Variants in TRAPPC9 observed in about 807,000 individuals in gnomAD.
The protein encoded by TRAPPC9 is IKK2 binding protein.
Under a neutral mutation model 124.0 loss-of-function variants are expected in TRAPPC9, and 83 were observed. That is an observed-to-expected ratio of 0.67 (90% CI 0.56 to 0.80). The LOEUF (loss-of-function observed/expected upper bound fraction) is 0.80. Ranked by LOEUF, TRAPPC9 falls within the 30% of genes least tolerant of loss-of-function variation. TRAPPC9 has a pLI of 0.00. For missense variants in TRAPPC9, 1,302 were observed against 1,508.3 expected, an observed-to-expected ratio of 0.86 and a Z score of 2.27; for synonymous variants, 638 against 617.5, an observed-to-expected ratio of 1.03 and a Z score of -0.49.
At chr8:139,891,437 G>A (rs1478370361) in intron 20 of TRAPPC9, among the ~76,000 whole-genome samples, 1 of 152,236 alleles carries the variant, frequency 6.6e-6, no homozygotes, top group Admixed American at 6.5e-5. Flanking sequence ...TGCTGGGTGA[G>A]GGCTGGAGCT....
At chr8:139,947,907 T>TATATATATATATATACAGAGAGAGAGAG in intron 19 of TRAPPC9, among the ~76,000 whole-genome samples, 1 of 60,364 alleles carries the variant, frequency 1.7e-5, no homozygotes, top group East Asian at 4.4e-4. Context: ...TATATATATA[T>TATATATATATATATACAGAGAGAGAGAG]AGAGAGAGAG....
chr8:140,405,685 G>A lies in TRAPPC9; in HGVS notation c.900C>T (p.Thr300=). Residue 300 remains threonine, a synonymous_variant, in exon 6 of 23, where the codon ACC becomes ACT. Transcript: ENST00000438773. Reference sequence around the variant, plus strand: ...TACTGGTGTCAGGGTTGATGCCATTGGTGGTGAGGGCACCTGCAAACCAAG... The same window carrying A: ...TACTGGTGTCAGGGTTGATGCCATTAGTGGTGAGGGCACCTGCAAACCAAG... ...EVLIDPGALT[T]NGINPDTSTE... The A allele has an allele frequency of 2.5e-6, 4 of 1,614,132 alleles. No individual in the cohort carries two copies. Among genetic ancestry groups the A allele is most frequent in the Non-Finnish European group, 2.5e-6 (3 of 1,180,010 alleles).
At chr8:140,291,680 G>C (rs2065665944) in intron 11 of TRAPPC9, among the ~76,000 whole-genome samples, 1 of 152,252 alleles carries the variant, frequency 6.6e-6, no homozygotes, top group Non-Finnish European at 1.5e-5. Context: ...AGTTTTTGCA[G>C]ATGTGATTGA....
chr8:139,946,663 C>T (rs1281664054), intron 19 of TRAPPC9, among the ~76,000 whole-genome samples: 2 of 150,082 alleles, frequency 1.3e-5, no homozygotes, highest in Non-Finnish European at 3.0e-5. Flanking sequence ...TGAGAGTATC[C>T]GCAGAATTTT....
chr8:140,172,329 G>A (rs1179747882), intron 17 of TRAPPC9, among the ~76,000 whole-genome samples: 1 of 151,898 alleles, frequency 6.6e-6, no homozygotes, highest in Non-Finnish European at 1.5e-5. Flanking sequence ...ACTAGTTCTG[G>A]ACAACAGAGG....
chr8:140,278,157 G>A (rs13248267), intron 14 of TRAPPC9, among the ~76,000 whole-genome samples: 41,502 of 151,612 alleles, frequency 0.27, 6,775 homozygotes, highest in Non-Finnish European at 0.36. Context: ...AGGCTGGAGA[G>A]CAGTGGCACA....
At chr8:139,809,206 T>C (rs926125510) in intron 21 of TRAPPC9, among the ~76,000 whole-genome samples, 4 of 152,246 alleles carry the variant, frequency 2.6e-5, no homozygotes, top group Admixed American at 6.5e-5. Flanking sequence ...AAAAGTCACC[T>C]TGAATTGCAC....
At chr8:140,057,056 A>G (rs1381858262) in intron 17 of TRAPPC9, among the ~76,000 whole-genome samples, 1 of 152,260 alleles carries the variant, frequency 6.6e-6, no homozygotes, top group Non-Finnish European at 1.5e-5. Flanking sequence ...TTCTCCAAAG[A>G]AGACATAGAA....
In TRAPPC9 at chr8:139,851,531, G is replaced by A. The variant is rs141298265; in HGVS notation, c.3055+34348C>T. ...GTACCTATTTCAAACGGGGATGAAC[G>A]GTCAAATCATCCATCAGAGCAGGTC... On this transcript the variant is annotated intron_variant, in intron 21 of 22. Transcript: ENST00000438773. Among the ~76,000 whole-genome samples the A allele has an allele frequency of 3.7e-3, 563 of 152,216 alleles. 3 individuals are homozygous for A. The highest frequency in any genetic ancestry group is 6.8e-3 in the Middle Eastern group (2 of 294).
chr8:140,327,860 T>C (rs372133407), intron 9 of TRAPPC9, among the ~76,000 whole-genome samples: 10 of 152,348 alleles, frequency 6.6e-5, no homozygotes, highest in African/African-American at 2.4e-4. Context: ...ACACTGTGAA[T>C]GTATGTACTC....
chr8:139,884,859 C>A (rs1410098923), intron 21 of TRAPPC9, among the ~76,000 whole-genome samples: 1 of 152,240 alleles, frequency 6.6e-6, no homozygotes, highest in Non-Finnish European at 1.5e-5. Flanking sequence ...CGGTGCCCAC[C>A]TGGTCCCGAC....
At chr8:140,051,412 C>A (rs1262297516) in intron 17 of TRAPPC9, among the ~76,000 whole-genome samples, 1 of 152,152 alleles carries the variant, frequency 6.6e-6, no homozygotes, top group African/African-American at 2.4e-5. Flanking sequence ...GATTCAGAAG[C>A]CTTAATCGCC....
At chr8:140,162,149 G>A (rs2061762013) in intron 17 of TRAPPC9, among the ~76,000 whole-genome samples, 1 of 152,086 alleles carries the variant, frequency 6.6e-6, no homozygotes, top group South Asian at 2.1e-4. Flanking sequence ...AGAGAATCCA[G>A]GCGAAACTGA....
At chr8:139,754,383 A>G (rs1319071244) in intron 21 of TRAPPC9, among the ~76,000 whole-genome samples, 1 of 152,190 alleles carries the variant, frequency 6.6e-6, no homozygotes. Flanking sequence ...TGGTCTGAAA[A>G]GGTGCCCCTC....
At chr8:140,218,136 G>T (rs2063245412) in intron 17 of TRAPPC9, among the ~76,000 whole-genome samples, 1 of 152,020 alleles carries the variant, frequency 6.6e-6, no homozygotes, top group South Asian at 2.1e-4. Context: ...CAGCAGAGCT[G>T]CACGACGCCA....
At chr8:140,246,827 A>C (rs568648959) in intron 16 of TRAPPC9, among the ~76,000 whole-genome samples, 13 of 152,294 alleles carry the variant, frequency 8.5e-5, no homozygotes, top group Admixed American at 5.9e-4. Context: ...TCTCCTAAAA[A>C]TACAAAAATT....
intron 21 of TRAPPC9, among the ~76,000 whole-genome samples, chr8:139,744,739 G>A (rs560053984): frequency 1.3e-5 from 2 of 152,244 alleles, no homozygotes; most frequent in Non-Finnish European, 2.9e-5. Flanking sequence ...GGCATCCTGG[G>A]AGGGCGGTGG....
chr8:140,212,835 C>T (rs1186284827), intron 17 of TRAPPC9, among the ~76,000 whole-genome samples: 1 of 151,602 alleles, frequency 6.6e-6, no homozygotes, highest in Admixed American at 6.6e-5. Flanking sequence ...AATCCCAGCA[C>T]TTTGGGAGGC....
chr8:140,383,703 T>C (rs2068677443), intron 7 of TRAPPC9, among the ~76,000 whole-genome samples: 1 of 151,978 alleles, frequency 6.6e-6, no homozygotes, highest in African/African-American at 2.4e-5. Context: ...TACCTGAAAG[T>C]GACAGGGAGA....
Sources: allele counts gnomAD v4.1 joint callset (sites outside exome capture counted in the v4.1 genomes callset), GRCh38; gene constraint gnomAD v4.1.1; transcripts MANE v1.5; gene names NCBI Gene and HGNC (gene_info 2026-07-23, HGNC 2026-07-21).